Variants in ERCC6L2 observed in about 807,000 individuals in gnomAD.
ERCC6L2 encodes the protein DNA excision repair protein ERCC-6-like 2.
A neutral mutation model predicts 132.0 loss-of-function variants in ERCC6L2; 77 were observed. The observed-to-expected ratio is 0.58, with a 90% confidence interval of 0.49 to 0.71. The LOEUF is 0.71. Ranked by LOEUF, ERCC6L2 falls within the 30% of genes least tolerant of loss-of-function variation. The pLI is 0.00. For missense variants in ERCC6L2, 1,542 were observed against 1,837.6 expected, an observed-to-expected ratio of 0.84 and a Z score of 2.94; for synonymous variants, 583 against 632.4, an observed-to-expected ratio of 0.92 and a Z score of 1.17.
chr9:95,983,524 A>G (rs557168013), intron 17 of ERCC6L2, among the ~76,000 whole-genome samples: 2 of 152,356 alleles, frequency 1.3e-5, no homozygotes, highest in African/African-American at 4.8e-5. Flanking sequence ...GGCCTCATTC[A>G]ACTCTGACTG....
intron 3 of ERCC6L2, among the ~76,000 whole-genome samples, chr9:95,900,378 C>A (rs1294584227): frequency 1.3e-5 from 2 of 150,950 alleles, no homozygotes; most frequent in African/African-American, 4.9e-5. Context: ...ACAGAGAAGA[C>A]CCTGTCTCAA....
intron 12 of ERCC6L2, among the ~76,000 whole-genome samples, chr9:95,950,356 A>G (rs1305812028): frequency 6.6e-6 from 1 of 152,220 alleles, no homozygotes; most frequent in African/African-American, 2.4e-5. Flanking sequence ...AAAGGAAATG[A>G]GAAAGGAATA....
At chr9:95,881,737 T>C (rs1369986901) in intron 2 of ERCC6L2, among the ~76,000 whole-genome samples, 2 of 152,256 alleles carry the variant, frequency 1.3e-5, no homozygotes, top group Non-Finnish European at 2.9e-5. Flanking sequence ...CCTGGGTCAC[T>C]AGCAGTTCTG....
In ERCC6L2 at chr9:96,004,544, G is replaced by A. The variant is rs1356310380; in HGVS notation, c.3517G>A (p.Asp1173Asn). Residue 1173 changes from aspartate (D) to asparagine (N), a missense_variant, in exon 18 of 19, where the codon GAT becomes AAT. Physicochemically the swap from Asp to Asn is conservative, Grantham distance 23 (BLOSUM62 1). This residue lies in a region of ERCC6L2 where 442 missense variants were observed against 583.4 expected (regional missense o/e 0.76). Transcript: ENST00000653738. ...GACATATAAAGAAAAAGTGGATGCA[G>A]ATACATTGCCACACACAAAGAAAGG... ...SKTYKEKVDA[D>N]TLPHTKKGQQ... is the part of the protein sequence containing the mutation. 1 of 1,306,748 alleles carries A rather than the reference G, an allele frequency of 7.7e-7. No individual in the cohort carries two copies. Among genetic ancestry groups the A allele is most frequent in the East Asian group, 5.5e-5 (1 of 18,284 alleles). 80.9% of individuals were successfully genotyped at this position (1,306,748 alleles called of 1,614,324 possible).
Position 95,947,232 on chromosome 9 carries a change from G to A in ERCC6L2, c.1847+5683G>A, listed in dbSNP as rs991744012. 5.3e-5 allele frequency among the ~76,000 whole-genome samples: 8 copies of A among 152,164 alleles called. No individual in the cohort carries two copies. The East Asian group carries it at 5.8e-4, about 11-fold the overall frequency. ...GTGCTACTCCAGTGAACACATGAAT[G>A]ACAAGAGCACCAAACAGCCTTATTG... On this transcript the variant is annotated intron_variant, in intron 12 of 18. Coordinates refer to ENST00000653738, the MANE Select transcript of ERCC6L2 (RefSeq NM_020207.7).
Position 96,030,512 on chromosome 9 carries a change from A to G in ERCC6L2, c.*1504-8364A>G, listed in dbSNP as rs552005721. ...GGCGATCTAGACTATCCTGGCTAACACGGTGAAACCCCGTCTCTACTAAAA... is the reference window on the plus strand; with the variant it reads ...GGCGATCTAGACTATCCTGGCTAACGCGGTGAAACCCCGTCTCTACTAAAA... On this transcript the variant is annotated intron_variant and NMD_transcript_variant, in intron 19 of 20. Transcript: ENST00000670016. Among the ~76,000 whole-genome samples the G allele has an allele frequency of 2.0e-5, 3 of 152,092 alleles. No individual in the cohort carries two copies. In the South Asian group the frequency reaches 6.2e-4, roughly 32 times the overall value.
intron 3 of ERCC6L2, among the ~76,000 whole-genome samples, chr9:95,899,564 TCTTTC>T (rs1828648259): frequency 2.0e-5 from 3 of 151,400 alleles, no homozygotes; most frequent in Admixed American, 6.6e-5. Flanking sequence ...TCTCCTTCCT[TCTTTC>T]CTTTCTTTCT....
At chr9:96,039,959 C>T (rs1052052362) in intron 20 of ERCC6L2, among the ~76,000 whole-genome samples, 31 of 152,012 alleles carry the variant, frequency 2.0e-4, no homozygotes, top group African/African-American at 7.5e-4. Flanking sequence ...TGGCTCACAC[C>T]TGTAATCCCA....
chr9:95,998,518 T>G (rs1166969093), intron 17 of ERCC6L2, among the ~76,000 whole-genome samples: 1 of 152,152 alleles, frequency 6.6e-6, no homozygotes, highest in African/African-American at 2.4e-5. Flanking sequence ...CTAATCACAT[T>G]AGTTATTAAA....
chr9:95,914,209 T>C (rs1829470958), intron 4 of ERCC6L2, among the ~76,000 whole-genome samples: 1 of 152,190 alleles, frequency 6.6e-6, no homozygotes, highest in African/African-American at 2.4e-5. Context: ...GTATTTCATG[T>C]TTTAATTTGC....
chr9:95,946,066 T>C (rs1355109483), intron 12 of ERCC6L2, among the ~76,000 whole-genome samples: 1 of 151,952 alleles, frequency 6.6e-6, no homozygotes, highest in African/African-American at 2.4e-5. Context: ...AATGCTAATA[T>C]CAAATTATTA....
intron 1 of ERCC6L2, among the ~76,000 whole-genome samples, chr9:95,878,552 T>C (rs907304586): frequency 1.3e-5 from 2 of 151,936 alleles, no homozygotes; most frequent in African/African-American, 4.8e-5. Flanking sequence ...GTGTGCACAA[T>C]GTGCAGGTTA....
intron 17 of ERCC6L2, among the ~76,000 whole-genome samples, chr9:96,001,398 C>G (rs1833672855): frequency 6.6e-6 from 1 of 152,112 alleles, no homozygotes; most frequent in African/African-American, 2.4e-5. Flanking sequence ...GAGCTAGATA[C>G]AAAGGTTCTC....
chr9:95,928,925 T>A (rs1295331459), intron 11 of ERCC6L2, 61 bp downstream of exon 11: 8 of 1,272,018 alleles, frequency 6.3e-6, no homozygotes, highest in Non-Finnish European at 8.5e-6. Context: ...TTTAGCATAA[T>A]TTTTAAAACT....
At chr9:96,035,621 G>A (rs1323067656) in intron 19 of ERCC6L2, among the ~76,000 whole-genome samples, 1 of 152,194 alleles carries the variant, frequency 6.6e-6, no homozygotes, top group African/African-American at 2.4e-5. Flanking sequence ...TGCCTACAGA[G>A]GGGAGCTATC....
At chr9:95,968,959 G>A (rs1430930903) in intron 14 of ERCC6L2, 1 of 152,186 alleles carries the variant, frequency 6.6e-6, no homozygotes, top group Non-Finnish European at 1.5e-5. Context: ...AATAGAAACT[G>A]TTAAGGAAGG....
At chr9:95,922,538 A>G in intron 8 of ERCC6L2, 120 bp downstream of exon 8, 1 of 641,442 alleles carries the variant, frequency 1.6e-6, no homozygotes. Flanking sequence ...TGATTTGCTT[A>G]TTTTTAAATG....
chr9:95,931,752 T>G (rs1428985638), intron 11 of ERCC6L2, among the ~76,000 whole-genome samples: 1 of 152,204 alleles, frequency 6.6e-6, no homozygotes, highest in African/African-American at 2.4e-5. Flanking sequence ...TCTACACTAT[T>G]CTAAAATTTC....
In ERCC6L2 at chr9:95,901,125, C is replaced by G. The variant is rs776105933; in HGVS notation, c.594+3154C>G. Among the ~76,000 whole-genome samples the G allele has an allele frequency of 2.9e-4, 44 of 151,882 alleles. No individual in the cohort carries two copies. In the Middle Eastern group the frequency reaches 0.01, roughly 36 times the overall value. On this transcript the variant is annotated intron_variant, in intron 3 of 18. Transcript: ENST00000653738. ...AAATTTTATGTGTTTGTATATTGCT[C>G]TCACACTTGATTATCCATAGGCTTA...
Sources: allele counts gnomAD v4.1 joint callset (sites outside exome capture counted in the v4.1 genomes callset), GRCh38; gene constraint gnomAD v4.1.1; regional missense constraint gnomAD v4.1.1; transcripts MANE v1.5; gene names NCBI Gene and HGNC (gene_info 2026-07-23, HGNC 2026-07-21).